DPP9: variants seen among roughly 807,000 people sequenced by gnomAD.
The protein encoded by DPP9 is dipeptidyl peptidase 9.
DPP9 carries 50 observed loss-of-function variants against 110.7 expected under a neutral mutation model. That is an observed-to-expected ratio of 0.45 (90% CI 0.36 to 0.57). The LOEUF (loss-of-function observed/expected upper bound fraction) is 0.57, where lower values mean the gene tolerates loss of function less well. DPP9 is among the 20% of genes least tolerant of loss of function. The probability of loss-of-function intolerance (pLI) is 0.00; values close to 1 mark genes in which losing one functional copy is unlikely to be tolerated. For missense variants in DPP9, 1,022 were observed against 1,217.9 expected, an observed-to-expected ratio of 0.84 and a Z score of 2.39; for synonymous variants, 561 against 514.4, an observed-to-expected ratio of 1.09 and a Z score of -1.23.
chr19:4,686,191 C>A (rs1028131934), intron 16 of DPP9, among the ~76,000 whole-genome samples: 7 of 151,744 alleles, frequency 4.6e-5, no homozygotes, highest in Non-Finnish European at 7.4e-5. Flanking sequence ...TGGGTTCAAG[C>A]GATTATCCTG....
At chr19:4,692,869 A>G (rs879943568) in intron 13 of DPP9, among the ~76,000 whole-genome samples, 34 of 152,114 alleles carry the variant, frequency 2.2e-4, no homozygotes, top group Non-Finnish European at 3.2e-4. Flanking sequence ...GTAAGTCTGC[A>G]CTGGCCGCAT....
In DPP9 at chr19:4,704,321, G is replaced by C; in HGVS notation, c.427-17C>G. 1 of 1,598,264 alleles carries C rather than the reference G, an allele frequency of 6.3e-7. No individual in the cohort carries two copies. The highest frequency in any genetic ancestry group is 8.5e-7 in the Non-Finnish European group (1 of 1,170,462). Reference sequence around the variant, plus strand: ...GGGCGTGGCCTGGAAACATACAGGGGACAGGGGGCAGCGTCAGTGGGCAAA... The same window carrying C: ...GGGCGTGGCCTGGAAACATACAGGGCACAGGGGGCAGCGTCAGTGGGCAAA... On this transcript the variant is annotated splice_polypyrimidine_tract_variant and intron_variant, in intron 5 of 21. Coordinates refer to ENST00000262960, the MANE Select transcript of DPP9 (RefSeq NM_139159.5). The surrounding 1 kb of genome is among the most constrained non-coding windows in gnomAD (Gnocchi z 6.0).
Position 4,693,059 on chromosome 19 carries a change from G to A in DPP9, c.1516+1602C>T, listed in dbSNP as rs1324912007. Among the ~76,000 whole-genome samples the A allele has an allele frequency of 6.6e-6, 1 of 152,168 alleles. No homozygotes were observed. Among genetic ancestry groups the A allele is most frequent in the Non-Finnish European group, 1.5e-5 (1 of 68,010 alleles). ...TGTCCCCTGTGTTGGGGGACGCCTT[G>A]GCTGCTGTGTGGGCTCTGCCCCCAG... On this transcript the variant is annotated intron_variant, in intron 13 of 21. Coordinates refer to ENST00000262960, the MANE Select transcript of DPP9 (RefSeq NM_139159.5). This position sits in a 1 kb window ranked among gnomAD's most constrained non-coding sequence, Gnocchi z 5.0.
chr19:4,705,826 C>T (rs201866799), intron 5 of DPP9, 32 bp downstream of exon 5: 519 of 1,607,704 alleles, frequency 3.2e-4, no homozygotes, highest in Non-Finnish European at 3.5e-4. Context: ...TCCTCGCCCA[C>T]GGTAGGGCCC....
intron 21 of DPP9, chr19:4,679,384 T>G (rs2089461105): frequency 1.2e-5 from 2 of 163,530 alleles, no homozygotes; most frequent in South Asian, 1.5e-4. Flanking sequence ...CAAGCCTGGC[T>G]GGCTCCACTC....
intron 20 of DPP9, among the ~76,000 whole-genome samples, chr19:4,680,411 AG>A (rs1019610403): frequency 4.6e-5 from 6 of 129,706 alleles, no homozygotes; most frequent in Non-Finnish European, 7.7e-5. Flanking sequence ...TCTCTAAATT[AG>A]AAAAACAAAA....
At position 4,690,910 on chromosome 19, in the gene DPP9, C is replaced by T; in HGVS notation, c.1564G>A (p.Glu522Lys). 6.2e-7 allele frequency: 1 copy of T among 1,613,454 alleles called. No homozygotes were observed. Among genetic ancestry groups the T allele is most frequent in the Non-Finnish European group, 8.5e-7 (1 of 1,179,696 alleles). ...CCGTGCCTCGCCAAAACCTCCCATT[C>T]ACCGCTGGTCAGAGCAATCTCTTCC... ...IKEEIALTSGEWEVLARHGSK... is the reference protein window; with the variant it reads ...IKEEIALTSGKWEVLARHGSK... The change falls in exon 14 of 22, where the codon GAA (glutamate) becomes AAA (lysine). Residue 522 changes from glutamate (E) to lysine (K), a missense_variant. Coordinates refer to ENST00000262960, the MANE Select transcript of DPP9 (RefSeq NM_139159.5).
At chr19:4,703,108 G>A (rs914680907) in intron 7 of DPP9, among the ~76,000 whole-genome samples, 4 of 152,174 alleles carry the variant, frequency 2.6e-5, no homozygotes, top group Admixed American at 2.6e-4. Flanking sequence ...CTTATGGGAC[G>A]GAGAGGCAGC....
rs533045357 is a variant in DPP9 at position 4,689,627 on chromosome 19, G to A, written c.1692C>T (p.Ala564=). 17 of 1,572,318 alleles carry A rather than the reference G, an allele frequency of 1.1e-5. No individual in the cohort carries two copies. Among genetic ancestry groups the A allele is most frequent in the South Asian group, 1.1e-4 (9 of 85,488 alleles). ...GCGTGGTGAGGCGTACGATCTCGCC[G>A]GCCGCCTCATAGCTGACCACGTAGA... ...HHLYVVSYEA[A]GEIVRLTTPG... The change falls in exon 15 of 22, where the codon GCC becomes GCT. Residue 564 remains alanine (A), a synonymous_variant. Coordinates refer to ENST00000262960, the MANE Select transcript of DPP9 (RefSeq NM_139159.5). The surrounding 1 kb of genome is among the most constrained non-coding windows in gnomAD (Gnocchi z 7.0).
chr19:4,688,522 G>T, intron 16 of DPP9: 1 of 450,608 alleles, frequency 2.2e-6, no homozygotes. Flanking sequence ...CATCCCTGCC[G>T]GGTTCTGTGC....
chr19:4,719,722 C>T, intron 3 of DPP9, 129 bp downstream of exon 3: 2 of 1,086,076 alleles, frequency 1.8e-6, no homozygotes, highest in South Asian at 1.4e-5. Flanking sequence ...ATAACCAGAA[C>T]AGTCTTGGGG....
chr19:4,679,784 C>T, intron 21 of DPP9, 51 bp downstream of exon 21: 1 of 1,446,270 alleles, frequency 6.9e-7, no homozygotes. Context: ...CCCCCCACTC[C>T]CAGGGATCTG....
At position 4,685,860 on chromosome 19, in the gene DPP9, G is replaced by A; in HGVS notation, c.1886-89C>T. On this transcript the variant is annotated intron_variant, in intron 16 of 21. Coordinates refer to ENST00000262960, the MANE Select transcript of DPP9 (RefSeq NM_139159.5). This position sits in a 1 kb window ranked among gnomAD's most constrained non-coding sequence, Gnocchi z 5.8. ...CTCCTGCCCACCCCAAGCCTTGGAG[G>A]GTGGACCAAAGCACCCCCTCTTTTC... 1 of 1,492,326 alleles carries A rather than the reference G, an allele frequency of 6.7e-7. No homozygotes were observed. Among genetic ancestry groups the A allele is most frequent in the South Asian group, 1.2e-5 (1 of 80,474 alleles). The allele number at this position is 1,492,326 out of a possible 1,614,324, so 92.4% of individuals were successfully genotyped here.
At chr19:4,679,790 A>T in intron 21 of DPP9, 45 bp downstream of exon 21, 2 of 1,247,576 alleles carry the variant, frequency 1.6e-6, no homozygotes, top group Non-Finnish European at 1.1e-6. Flanking sequence ...ACTCCCAGGG[A>T]TCTGTCGGCT....
intron 21 of DPP9, chr19:4,679,613 C>T: frequency 1.8e-6 from 1 of 554,386 alleles, no homozygotes; most frequent in Non-Finnish European, 3.2e-6. Flanking sequence ...CTTCCAGCAC[C>T]GAAGGCAGGC....
chr19:4,681,394 C>T (rs766254289), intron 20 of DPP9, among the ~76,000 whole-genome samples: 3 of 152,084 alleles, frequency 2.0e-5, no homozygotes, highest in African/African-American at 7.2e-5. Context: ...CAGCTCACTG[C>T]GACCTCACCC....
intron 3 of DPP9, among the ~76,000 whole-genome samples, chr19:4,716,440 A>G (rs754132770): frequency 2.0e-5 from 3 of 152,120 alleles, no homozygotes; most frequent in Non-Finnish European, 2.9e-5. Flanking sequence ...GATCGAGACC[A>G]TCCTGGCTAA....
In DPP9 at chr19:4,704,707, A is replaced by G. The variant is rs190823106; in HGVS notation, c.427-403T>C. Among the ~76,000 whole-genome samples the G allele has an allele frequency of 1.3e-5, 2 of 152,242 alleles. No homozygotes were observed. The highest frequency in any genetic ancestry group is 1.9e-4 in the East Asian group (1 of 5,178). On this transcript the variant is annotated intron_variant, in intron 5 of 21. Transcript: ENST00000262960. The surrounding 1 kb of genome is among the most constrained non-coding windows in gnomAD (Gnocchi z 6.0). ...TACAGACTCCCCACCCTCCTACCCTATTCACAATCCCTTCCCATCAAGAGC... is the reference window on the plus strand; with the variant it reads ...TACAGACTCCCCACCCTCCTACCCTGTTCACAATCCCTTCCCATCAAGAGC...
chr19:4,697,508 G>T, intron 11 of DPP9, 43 bp downstream of exon 11: 1 of 1,557,844 alleles, frequency 6.4e-7, no homozygotes, highest in African/African-American at 1.4e-5. Flanking sequence ...AGGGCCCAGG[G>T]CCCTGCAGGT....
Sources: gnomAD v4.1 joint callset for allele counts (sites outside exome capture counted in the v4.1 genomes callset) on GRCh38, gnomAD v4.1.1 for gene constraint, Gnocchi (gnomAD v3.1) non-coding constraint, MANE v1.5 for transcripts, NCBI Gene and HGNC (gene_info 2026-07-23, HGNC 2026-07-21) for gene names.